HECTD2: variants seen among roughly 807,000 people sequenced by gnomAD.
The protein encoded by HECTD2 is HECT domain E3 ubiquitin protein ligase 2.
Under a neutral mutation model 103.2 loss-of-function variants are expected in HECTD2, and 35 were observed. That is an observed-to-expected ratio of 0.34 (90% CI 0.26 to 0.45). HECTD2 has a LOEUF of 0.45. Ranked by LOEUF, HECTD2 falls within the 20% of genes least tolerant of loss-of-function variation. The probability of loss-of-function intolerance (pLI) is 1.00; values close to 1 mark genes in which losing one functional copy is unlikely to be tolerated. For synonymous variants in HECTD2, 281 were observed against 329.9 expected, an observed-to-expected ratio of 0.85 and a Z score of 1.61; for missense variants, 596 against 937.4, an observed-to-expected ratio of 0.64 and a Z score of 4.76.
At chr10:91,504,968 A>G (rs1232568998) in intron 20 of HECTD2, among the ~76,000 whole-genome samples, 1 of 152,238 alleles carries the variant, frequency 6.6e-6, no homozygotes, top group African/African-American at 2.4e-5. Context: ...GTGGGGACCA[A>G]TATTCAACAT....
intron 20 of HECTD2, among the ~76,000 whole-genome samples, chr10:91,506,361 AT>A (rs944440070): frequency 6.6e-6 from 1 of 151,588 alleles, no homozygotes; most frequent in African/African-American, 2.4e-5. Context: ...GATCAACAAA[AT>A]TGATAGACCG....
chr10:91,445,112 G>C (rs552843641), intron 2 of HECTD2, among the ~76,000 whole-genome samples: 1 of 152,282 alleles, frequency 6.6e-6, no homozygotes, highest in East Asian at 1.9e-4. Context: ...CTAGCTCACT[G>C]TTTTCACAGA....
At chr10:91,474,662 TAAAC>T (rs1258214312) in intron 5 of HECTD2, among the ~76,000 whole-genome samples, 1 of 152,162 alleles carries the variant, frequency 6.6e-6, no homozygotes, top group African/African-American at 2.4e-5. Context: ...GATACAGTGT[TAAAC>T]AAAAATGCAT....
At chr10:91,506,725 A>G (rs1278925793) in intron 20 of HECTD2, among the ~76,000 whole-genome samples, 1 of 152,056 alleles carries the variant, frequency 6.6e-6, no homozygotes. Context: ...TTCCTTCTGA[A>G]ACTATTCCAA....
At chr10:91,483,779 A>G (rs1215975388) in intron 8 of HECTD2, among the ~76,000 whole-genome samples, 2 of 151,942 alleles carry the variant, frequency 1.3e-5, no homozygotes, top group Non-Finnish European at 2.9e-5. Flanking sequence ...GCCAATCAGT[A>G]TATAACTTTG....
rs962106166 is a variant in HECTD2, at chr10:91,512,744, ACACTGCTAG to A, written c.*373_*381del. On this transcript the variant is annotated 3_prime_UTR_variant, in exon 21 of 21. Transcript: ENST00000298068. ...ATAGTTGAACCCAGTGGCAGATTGT[ACACTGCTAG>A]CACTGCTAGCACACAGTAGCAAAGC... The A allele has an allele frequency of 2.2e-4, 45 of 205,652 alleles. No individual in the cohort carries two copies. The highest frequency in any genetic ancestry group is 7.7e-4 in the Admixed American group (15 of 19,448). The allele number at this position is 205,652 out of a possible 1,614,324, so 12.7% of individuals were successfully genotyped here.
chr10:91,491,759 A>T (rs775538959), intron 12 of HECTD2, among the ~76,000 whole-genome samples: 1 of 152,200 alleles, frequency 6.6e-6, no homozygotes, highest in Non-Finnish European at 1.5e-5. Context: ...TTGCATTTTC[A>T]TGTATTATCA....
In HECTD2 at chr10:91,492,531, T is replaced by C. The variant is rs763797010; in HGVS notation, c.1432+47T>C. Reference sequence around the variant, plus strand: ...TATAAACTGTGTTTCTTCATAATTGTTAGAGTGAAGTAGTCACCCTTATTT... The same window carrying C: ...TATAAACTGTGTTTCTTCATAATTGCTAGAGTGAAGTAGTCACCCTTATTT... On this transcript the variant is annotated intron_variant, in intron 13 of 20. Coordinates refer to ENST00000298068, the MANE Select transcript of HECTD2 (RefSeq NM_182765.6). The C allele has an allele frequency of 2.8e-6, 4 of 1,436,284 alleles. No individual in the cohort carries two copies. In the African/African-American group the frequency reaches 5.7e-5, roughly 20 times the overall value. 89.0% of individuals were successfully genotyped at this position (1,436,284 alleles called of 1,614,324 possible).
intron 14 of HECTD2, 87 bp from the exon 15 acceptor site, chr10:91,496,127 A>C (rs1846653906): frequency 1.0e-5 from 8 of 803,354 alleles, no homozygotes; most frequent in Non-Finnish European, 1.5e-5. Flanking sequence ...ATCTGAAAGA[A>C]GTATGCAAAA....
At chr10:91,497,274 C>T (rs1364528182) in intron 15 of HECTD2, among the ~76,000 whole-genome samples, 2 of 148,194 alleles carry the variant, frequency 1.3e-5, no homozygotes, top group African/African-American at 2.5e-5. Context: ...CTGAGCCCAG[C>T]CAGAAAATGT....
Position 91,487,548 on chromosome 10 carries a change from A to G in HECTD2, c.1095-134A>G, listed in dbSNP as rs750005495. The G allele has an allele frequency of 7.0e-6, 5 of 716,136 alleles. No individual in the cohort carries two copies. The highest frequency in any genetic ancestry group is 1.8e-5 in the African/African-American group (1 of 57,062). The allele number at this position is 716,136 out of a possible 1,614,324, so 44.4% of individuals were successfully genotyped here. A position where few individuals can be genotyped will look rare whatever the true frequency, so the allele number is the denominator to read the frequency against. On this transcript the variant is annotated intron_variant, in intron 10 of 20. Transcript: ENST00000298068. This position sits in a 1 kb window ranked among gnomAD's most constrained non-coding sequence, Gnocchi z 4.1. ...AATTAAAAGAAATTATACACATACAATCATTTTGTATATGGTAAAACACAA... is the reference window on the plus strand; with the variant it reads ...AATTAAAAGAAATTATACACATACAGTCATTTTGTATATGGTAAAACACAA...
At chr10:91,493,579 G>C (rs1846555485) in intron 14 of HECTD2, 71 bp downstream of exon 14, 1 of 803,338 alleles carries the variant, frequency 1.2e-6, no homozygotes, top group Admixed American at 3.3e-5. Flanking sequence ...CTGTATTTTA[G>C]AAAACTGTTT....
At chr10:91,417,416 A>G (rs1383660141) in intron 1 of HECTD2, among the ~76,000 whole-genome samples, 2 of 152,042 alleles carry the variant, frequency 1.3e-5, no homozygotes, top group Non-Finnish European at 2.9e-5. Context: ...ACATGTGCAC[A>G]ACGTGCAGTT....
At position 91,513,153 on chromosome 10, in the gene HECTD2, T is replaced by A. The variant is rs1847483793; in HGVS notation, c.*769T>A. 6.6e-6 allele frequency: 1 copy of A among 152,658 alleles called. No homozygotes were observed. The highest frequency in any genetic ancestry group is 2.4e-5 in the African/African-American group (1 of 41,462). The allele number at this position is 152,658 out of a possible 1,614,324, so 9.5% of individuals were successfully genotyped here. A position where few individuals can be genotyped will look rare whatever the true frequency, so the allele number is the denominator to read the frequency against. Reference sequence around the variant, plus strand: ...GCACATTGGCAGTAAACTAGTTACTTGTGTACTCTGTAATATTTGTATAAT... The same window carrying A: ...GCACATTGGCAGTAAACTAGTTACTAGTGTACTCTGTAATATTTGTATAAT... On this transcript the variant is annotated 3_prime_UTR_variant, in exon 21 of 21. Transcript: ENST00000298068.
chr10:91,508,317 C>T (rs1430803217), intron 20 of HECTD2, among the ~76,000 whole-genome samples: 19 of 142,068 alleles, frequency 1.3e-4, no homozygotes, highest in East Asian at 6.4e-4. Context: ...AAAGAAACTA[C>T]CATCAGAGTG....
chr10:91,455,621 T>G (rs1470705498), intron 2 of HECTD2, among the ~76,000 whole-genome samples: 5 of 152,010 alleles, frequency 3.3e-5, no homozygotes, highest in African/African-American at 4.8e-5. Flanking sequence ...CATTGCTTTT[T>G]GTGTTTTAGA....
At chr10:91,409,695 A>G (rs1054895011), upstream of HECTD2, among the ~76,000 whole-genome samples, 2 of 152,112 alleles carry the variant, frequency 1.3e-5, no homozygotes, top group Non-Finnish European at 2.9e-5. Flanking sequence ...GGCGTGTACA[A>G]AAGAGTCGGT....
At chr10:91,503,177 C>G (rs1846974171) in intron 20 of HECTD2, among the ~76,000 whole-genome samples, 1 of 152,184 alleles carries the variant, frequency 6.6e-6, no homozygotes, top group Non-Finnish European at 1.5e-5. Flanking sequence ...CATCACTAAT[C>G]ATTAGAGAAA....
At chr10:91,426,242 T>G (rs1275018082) in intron 2 of HECTD2, among the ~76,000 whole-genome samples, 10 of 152,026 alleles carry the variant, frequency 6.6e-5, no homozygotes, top group Admixed American at 6.6e-4. Context: ...TCTATATTGT[T>G]TTATCACGGG....
Sources: allele counts gnomAD v4.1 joint callset (sites outside exome capture counted in the v4.1 genomes callset), GRCh38; gene constraint gnomAD v4.1.1; non-coding constraint Gnocchi (gnomAD v3.1); transcripts MANE v1.5; gene names NCBI Gene and HGNC (gene_info 2026-07-23, HGNC 2026-07-21).